Variants in EIF4E3 observed in about 807,000 individuals in gnomAD.
EIF4E3 encodes eukaryotic translation initiation factor 4E type 3.
EIF4E3 carries 26 observed loss-of-function variants against 31.7 expected under a neutral mutation model. The ratio of observed to expected loss-of-function variants is 0.82; its 90% CI spans 0.60 to 1.14. EIF4E3 has a LOEUF of 1.14. Ranked by LOEUF, EIF4E3 falls within the 50% of genes most tolerant of loss-of-function variation. EIF4E3 has a pLI of 0.00. For synonymous variants in EIF4E3, 128 were observed against 107.7 expected (o/e 1.19, Z -1.17); for missense variants, 304 against 270.9 (o/e 1.12, Z -0.86).
intron 2 of EIF4E3, among the ~76,000 whole-genome samples, chr3:71,700,107 G>A (rs1358799220): frequency 2.0e-5 from 3 of 152,254 alleles, no homozygotes; most frequent in African/African-American, 7.2e-5. Context: ...CTGGGAAGTC[G>A]AGGCTGCAAG....
At chr3:71,665,649 C>G in the EIF4E3 span, among the ~76,000 whole-genome samples, 1 of 152,190 alleles carries the variant, frequency 6.6e-6, no homozygotes, top group African/African-American at 2.4e-5. Flanking sequence ...ATAGAATATA[C>G]ATTCTTCTCA....
intron 1 of EIF4E3, among the ~76,000 whole-genome samples, chr3:71,721,112 A>C (rs1274583741): frequency 6.6e-6 from 1 of 152,232 alleles, no homozygotes; most frequent in Non-Finnish European, 1.5e-5. Context: ...GCTTTCAGAC[A>C]TGTGTCCAGA....
intron 1 of EIF4E3, among the ~76,000 whole-genome samples, chr3:71,740,570 C>T (rs2049809499): frequency 6.6e-6 from 1 of 151,974 alleles, no homozygotes; most frequent in South Asian, 2.1e-4. Flanking sequence ...ACCATTTCCA[C>T]AAAAAATACA....
At chr3:71,712,039 A>C (rs1415008660) in intron 1 of EIF4E3, among the ~76,000 whole-genome samples, 2 of 152,164 alleles carry the variant, frequency 1.3e-5, no homozygotes, top group Non-Finnish European at 2.9e-5. Flanking sequence ...GTCACTAAAG[A>C]AGCACAATCA....
downstream of EIF4E3, among the ~76,000 whole-genome samples, chr3:71,670,418 C>A (rs945919142): frequency 6.6e-6 from 1 of 152,154 alleles, no homozygotes. Context: ...TTGCACCCCC[C>A]CAACCCCCGT....
At chr3:71,696,817 G>A (rs1487843425) in intron 3 of EIF4E3, among the ~76,000 whole-genome samples, 2 of 150,318 alleles carry the variant, frequency 1.3e-5, no homozygotes, top group Non-Finnish European at 2.9e-5. Flanking sequence ...CCGGGTTCAC[G>A]CCATTCTCCT....
intron 1 of EIF4E3, among the ~76,000 whole-genome samples, chr3:71,743,177 C>T (rs2049837614): frequency 1.3e-5 from 2 of 152,096 alleles, no homozygotes; most frequent in African/African-American, 4.8e-5. Context: ...AATAAAAAGG[C>T]ATCCAGACTG....
At chr3:71,698,258 C>T (rs917676616) in intron 3 of EIF4E3, among the ~76,000 whole-genome samples, 2 of 152,178 alleles carry the variant, frequency 1.3e-5, no homozygotes, top group Non-Finnish European at 2.9e-5. Context: ...GGTGAAAGGA[C>T]TTGAGATCCT....
the EIF4E3 span, among the ~76,000 whole-genome samples, chr3:71,668,707 G>A: frequency 5.3e-5 from 8 of 152,088 alleles, no homozygotes; most frequent in African/African-American, 1.4e-4. Context: ...ACCATCTCAC[G>A]CCAGTTAGAA....
chr3:71,671,294 A>G (rs934801909), downstream of EIF4E3, among the ~76,000 whole-genome samples: 14 of 152,068 alleles, frequency 9.2e-5, no homozygotes, highest in East Asian at 3.9e-4. Context: ...CCCTCAGAGC[A>G]TCCCTACCGG....
At chr3:71,719,040 C>T (rs911200834) in intron 1 of EIF4E3, among the ~76,000 whole-genome samples, 8 of 152,216 alleles carry the variant, frequency 5.3e-5, no homozygotes, top group African/African-American at 1.7e-4. Flanking sequence ...TTTTGTCAAG[C>T]TCAGCCCTAC....
rs569114010 is a variant in EIF4E3 at position 71,735,272 on chromosome 3, T to C, written c.-290-6649A>G. Among the ~76,000 whole-genome samples, 13 of 152,232 alleles carry C rather than the reference T, an allele frequency of 8.5e-5. No individual in the cohort carries two copies. In the East Asian group the frequency reaches 2.3e-3, roughly 27 times the overall value. ...GGAGTACACAGGCACAGAGCCTCAT[T>C]CTCATAAAACGAAGAATTAAAATTA... On this transcript the variant is annotated intron_variant, in intron 1 of 7. Coordinates refer to the EIF4E3 transcript ENST00000295612.
At chr3:71,699,498 TCA>T (rs2049185060) in intron 3 of EIF4E3, 114 bp downstream of exon 3, 5 of 922,524 alleles carry the variant, frequency 5.4e-6, no homozygotes, top group Admixed American at 1.9e-5. Context: ...ATGATTGGTA[TCA>T]CAGACTTTCT....
At chr3:71,723,109 G>C (rs573365218) in intron 1 of EIF4E3, among the ~76,000 whole-genome samples, 1 of 152,170 alleles carries the variant, frequency 6.6e-6, no homozygotes, top group Non-Finnish European at 1.5e-5. Context: ...CATCTTGCCA[G>C]GCAGACATTG....
At chr3:71,740,019 G>A (rs2049803887) in intron 1 of EIF4E3, among the ~76,000 whole-genome samples, 1 of 152,014 alleles carries the variant, frequency 6.6e-6, no homozygotes, top group Non-Finnish European at 1.5e-5. Context: ...TCACTTGAAG[G>A]TAGACTGTGA....
intron 5 of EIF4E3, 123 bp from the exon 6 acceptor site, chr3:71,690,288 GA>G (rs1372185441): frequency 1.8e-6 from 2 of 1,110,544 alleles, no homozygotes; most frequent in Admixed American, 6.5e-5. Flanking sequence ...GGTGGCACAA[GA>G]TAACTTGTAA....
upstream of EIF4E3, among the ~76,000 whole-genome samples, chr3:71,729,385 G>A (rs2049678257): frequency 6.6e-6 from 1 of 152,164 alleles, no homozygotes; most frequent in African/African-American, 2.4e-5. Context: ...CAACACTTTG[G>A]GAAGGGAGCC....
At chr3:71,690,189 A>T in intron 5 of EIF4E3, 24 bp from the exon 6 acceptor site, 1 of 1,588,732 alleles carries the variant, frequency 6.3e-7, no homozygotes, top group African/African-American at 1.4e-5. Flanking sequence ...AGGAAAAAAA[A>T]AAAATGAGTG....
chr3:71,693,723 A>T, intron 5 of EIF4E3, 152 bp downstream of exon 5: 1 of 685,452 alleles, frequency 1.5e-6, no homozygotes, highest in Non-Finnish European at 2.3e-6. Context: ...CACGAAAATC[A>T]CATGAAAAAA....
Sources: allele counts gnomAD v4.1 joint callset (sites outside exome capture counted in the v4.1 genomes callset), GRCh38; gene constraint gnomAD v4.1.1; transcripts MANE v1.5; gene names NCBI Gene and HGNC (gene_info 2026-07-23, HGNC 2026-07-21).